IL1RAPL2: variants seen among roughly 807,000 people sequenced by gnomAD.
IL1RAPL2 encodes the protein interleukin 1 receptor accessory protein like 2, also known as X-linked interleukin-1 receptor accessory protein-like 2.
Under a neutral mutation model 44.1 loss-of-function variants are expected in IL1RAPL2, and 3 were observed. That is an observed-to-expected ratio of 0.07 (90% CI 0.03 to 0.18). The LOEUF (loss-of-function observed/expected upper bound fraction) is 0.18. IL1RAPL2 is among the 10% of genes least tolerant of loss of function. IL1RAPL2 has a pLI of 1.00. For synonymous variants in IL1RAPL2, 181 were observed against 178.8 expected (o/e 1.01, Z -0.10); for missense variants, 391 against 496.4 (o/e 0.79, Z 2.02).
chrX:104,608,531 A>G (rs761296791), intron 1 of IL1RAPL2, among the ~76,000 whole-genome samples: 2 of 110,906 alleles, frequency 1.8e-5, no homozygotes, highest in East Asian at 2.8e-4. Context: ...TATTGGGTGC[A>G]TATATATTTA....
intron 4 of IL1RAPL2, among the ~76,000 whole-genome samples, chrX:105,257,861 T>C (rs1401780900): frequency 8.9e-6 from 1 of 111,782 alleles, no homozygotes; most frequent in Admixed American, 9.5e-5. Flanking sequence ...CAGCATACAA[T>C]TGGGTCTTGC....
chrX:105,335,326 C>A (rs192148054), intron 5 of IL1RAPL2, among the ~76,000 whole-genome samples: 17 of 111,297 alleles, frequency 1.5e-4, no homozygotes, highest in African/African-American at 5.5e-4. Flanking sequence ...TACTTTCTGC[C>A]AACTGATGAT....
At chrX:105,440,020 T>C (rs951542142) in intron 5 of IL1RAPL2, among the ~76,000 whole-genome samples, 2 of 111,851 alleles carry the variant, frequency 1.8e-5, no homozygotes, top group Non-Finnish European at 3.8e-5. Context: ...GAAATGGTCA[T>C]GGAGGTTTAC....
chrX:105,485,835 C>T, intron 6 of IL1RAPL2, among the ~76,000 whole-genome samples: 1 of 112,116 alleles, frequency 8.9e-6, no homozygotes, highest in South Asian at 3.7e-4. Context: ...ATATGTACCA[C>T]ATTTTCTTTA....
At chrX:104,759,779 G>T (rs1438155760) in intron 2 of IL1RAPL2, among the ~76,000 whole-genome samples, 1 of 111,685 alleles carries the variant, frequency 9.0e-6, no homozygotes, top group African/African-American at 3.3e-5. Flanking sequence ...TATCCATCCT[G>T]CCAAGCATTT....
intron 5 of IL1RAPL2, among the ~76,000 whole-genome samples, chrX:105,396,093 C>T (rs755807698): frequency 9.1e-6 from 1 of 109,940 alleles, no homozygotes; most frequent in Admixed American, 9.7e-5. Context: ...GGTAAGGGAG[C>T]AAAATTAAAG....
chrX:105,322,180 C>G (rs1181882713), intron 5 of IL1RAPL2, among the ~76,000 whole-genome samples: 1 of 112,375 alleles, frequency 8.9e-6, no homozygotes, highest in Non-Finnish European at 1.9e-5. Flanking sequence ...ATTTGGAATC[C>G]TTATGTTGCC....
chrX:105,161,848 G>A (rs1221055365), intron 2 of IL1RAPL2, among the ~76,000 whole-genome samples: 1 of 111,687 alleles, frequency 9.0e-6, no homozygotes, highest in African/African-American at 3.3e-5. Flanking sequence ...CTCTCTGAGG[G>A]GATTTAGTTA....
At chrX:104,910,544 G>C in intron 2 of IL1RAPL2, among the ~76,000 whole-genome samples, 1 of 111,691 alleles carries the variant, frequency 9.0e-6, no homozygotes, top group Non-Finnish European at 1.9e-5. Flanking sequence ...ACAGGCACCA[G>C]TGTGTGATGT....
At chrX:104,906,551 CT>C (rs1924014841) in intron 2 of IL1RAPL2, among the ~76,000 whole-genome samples, 1 of 111,540 alleles carries the variant, frequency 9.0e-6, no homozygotes, top group African/African-American at 3.3e-5. Context: ...TTTTCTGCAT[CT>C]ATTGAGATAA....
chrX:104,919,490 G>T (rs770545752), intron 2 of IL1RAPL2, among the ~76,000 whole-genome samples: 1 of 104,915 alleles, frequency 9.5e-6, no homozygotes, highest in East Asian at 3.0e-4. Flanking sequence ...CTCCCAAAGT[G>T]CTGGGATTAC....
chrX:104,776,178 CAA>C (rs1932715891), intron 2 of IL1RAPL2, among the ~76,000 whole-genome samples: 1 of 111,973 alleles, frequency 8.9e-6, no homozygotes, highest in Non-Finnish European at 1.9e-5. Context: ...AACTGGGGAA[CAA>C]AGAATGTTGG....
rs191451262 is a variant in IL1RAPL2 at position 105,028,944 on chromosome X, T to C, written c.83-166531T>C. Among the ~76,000 whole-genome samples, 797 of 110,274 alleles carry C rather than the reference T, an allele frequency of 7.2e-3. 7 individuals carry two copies. Among genetic ancestry groups the C allele is most frequent in the Non-Finnish European group, 0.012 (625 of 52,637 alleles). On this transcript the variant is annotated intron_variant, in intron 2 of 10. Coordinates refer to ENST00000372582, the MANE Select transcript of IL1RAPL2 (RefSeq NM_017416.2). ...AGCATGGTGAATTTATAAATACTTATGTATTTAGATTTTATATATTTTTCA... is the reference window on the plus strand; with the variant it reads ...AGCATGGTGAATTTATAAATACTTACGTATTTAGATTTTATATATTTTTCA...
chrX:104,914,051 C>G lies in IL1RAPL2; in HGVS notation c.82+255056C>G, dbSNP rs985947398. ...ACATAAGAACCAGAGCAGCGTTTCT[C>G]TAAATAGGGACTGCCTGCAATAAGA... On this transcript the variant is annotated intron_variant, in intron 2 of 10. Transcript: ENST00000372582. 1.8e-4 allele frequency among the ~76,000 whole-genome samples: 20 copies of G among 111,413 alleles called. No individual in the cohort carries two copies. In the Admixed American group the frequency reaches 1.8e-3, roughly 10 times the overall value.
At chrX:105,087,323 T>C (rs2032491599) in intron 2 of IL1RAPL2, among the ~76,000 whole-genome samples, 1 of 111,897 alleles carries the variant, frequency 8.9e-6, no homozygotes, top group South Asian at 3.7e-4. Context: ...ATATATCATA[T>C]GTTATTTCCC....
At chrX:105,428,852 A>G (rs2035828997) in intron 5 of IL1RAPL2, among the ~76,000 whole-genome samples, 1 of 111,379 alleles carries the variant, frequency 9.0e-6, no homozygotes. Flanking sequence ...GAGAATTTGT[A>G]TTTAGTTCAG....
chrX:105,186,026 A>T (rs983244953), intron 2 of IL1RAPL2, among the ~76,000 whole-genome samples: 4 of 112,264 alleles, frequency 3.6e-5, no homozygotes, highest in Non-Finnish European at 5.6e-5. Context: ...AACTATTTAC[A>T]TTGTATTAGG....
chrX:104,616,349 T>G (rs1929278423), intron 1 of IL1RAPL2, among the ~76,000 whole-genome samples: 1 of 112,401 alleles, frequency 8.9e-6, no homozygotes, highest in Non-Finnish European at 1.9e-5. Flanking sequence ...GCTGTCCTTG[T>G]TCATTCATGG....
chrX:105,461,324 A>C (rs2036091328), intron 5 of IL1RAPL2, among the ~76,000 whole-genome samples: 1 of 111,299 alleles, frequency 9.0e-6, no homozygotes, highest in Non-Finnish European at 1.9e-5. Context: ...CTGTGTATAT[A>C]GATAGGATAA....
Sources: gnomAD v4.1 joint callset for allele counts (sites outside exome capture counted in the v4.1 genomes callset) on GRCh38, gnomAD v4.1.1 for gene constraint, MANE v1.5 for transcripts, NCBI Gene and HGNC (gene_info 2026-07-23, HGNC 2026-07-21) for gene names.